Variants in FHIT observed in about 807,000 individuals in gnomAD.
FHIT encodes fragile histidine triad diadenosine triphosphatase.
In FHIT, 19 loss-of-function variants were observed where a neutral mutation model predicts 17.9. The ratio of observed to expected loss-of-function variants is 1.06; its 90% CI spans 0.74 to 1.56. FHIT has a LOEUF of 1.56. Ranked by LOEUF, FHIT falls within the 40% of genes most tolerant of loss-of-function variation. The probability of loss-of-function intolerance (pLI) is 0.00; values close to 1 mark genes in which losing one functional copy is unlikely to be tolerated. For missense variants in FHIT, 248 were observed against 189.2 expected, an observed-to-expected ratio of 1.31 and a Z score of -1.82; for synonymous variants, 81 against 69.7, an observed-to-expected ratio of 1.16 and a Z score of -0.81.
At chr3:60,178,043 G>C (rs917799157) in intron 5 of FHIT, among the ~76,000 whole-genome samples, 3 of 152,160 alleles carry the variant, frequency 2.0e-5, no homozygotes, top group African/African-American at 7.2e-5. Context: ...GGCAGCACTA[G>C]AATTTAACGT....
At chr3:60,667,451 G>A (rs1479242679) in intron 4 of FHIT, among the ~76,000 whole-genome samples, 1 of 151,650 alleles carries the variant, frequency 6.6e-6, no homozygotes, top group Non-Finnish European at 1.5e-5. Flanking sequence ...TTTATTTCTA[G>A]AATTTTTATT....
At chr3:60,833,926 A>C (rs1328673917) in intron 3 of FHIT, among the ~76,000 whole-genome samples, 5 of 152,140 alleles carry the variant, frequency 3.3e-5, no homozygotes, top group African/African-American at 1.2e-4. Flanking sequence ...TTTCCCCTTT[A>C]ATCTATTCCC....
chr3:60,220,148 T>C lies in FHIT; in HGVS notation c.104-205996A>G, dbSNP rs144889655. Among the ~76,000 whole-genome samples the C allele has an allele frequency of 5.0e-3, 757 of 152,242 alleles. 6 individuals carry two copies. The highest frequency in any genetic ancestry group is 0.017 in the African/African-American group (719 of 41,540). Reference sequence around the variant, plus strand: ...AAAACAATAATAAGGTAGATCCATATCAGAGACAAAGTGGAGGCCTCTAGT... The same window carrying C: ...AAAACAATAATAAGGTAGATCCATACCAGAGACAAAGTGGAGGCCTCTAGT... On this transcript the variant is annotated intron_variant, in intron 5 of 9. Coordinates refer to ENST00000492590, the MANE Select transcript of FHIT (RefSeq NM_002012.4).
intron 5 of FHIT, among the ~76,000 whole-genome samples, chr3:60,081,933 T>C (rs1406409348): frequency 3.9e-5 from 6 of 151,962 alleles, no homozygotes; most frequent in Non-Finnish European, 8.8e-5. Context: ...TTCTACAAAC[T>C]CGATGAGTTC....
At chr3:60,887,975 T>C (rs1348905360) in intron 3 of FHIT, among the ~76,000 whole-genome samples, 2 of 152,212 alleles carry the variant, frequency 1.3e-5, no homozygotes, top group African/African-American at 4.8e-5. Flanking sequence ...TCTGATCCAA[T>C]CTCCTTGATT....
intron 3 of FHIT, among the ~76,000 whole-genome samples, chr3:60,902,824 T>C (rs560039238): frequency 6.6e-6 from 1 of 152,182 alleles, no homozygotes; most frequent in Non-Finnish European, 1.5e-5. Flanking sequence ...CCTTCTAGCC[T>C]AGGCCAATTT....
At chr3:60,012,007 G>T (rs1046763741) in intron 6 of FHIT, among the ~76,000 whole-genome samples, 4 of 152,124 alleles carry the variant, frequency 2.6e-5, no homozygotes. Flanking sequence ...ATACTCAGCT[G>T]GTTGAGATGG....
intron 5 of FHIT, among the ~76,000 whole-genome samples, chr3:60,131,046 CAT>C (rs1353897794): frequency 2.4e-5 from 2 of 82,658 alleles, no homozygotes; most frequent in South Asian, 8.6e-4. Context: ...TATATATACA[CAT>C]ATATACATAC....
At chr3:60,686,907 C>T (rs1285578315) in intron 4 of FHIT, among the ~76,000 whole-genome samples, 2 of 152,192 alleles carry the variant, frequency 1.3e-5, no homozygotes, top group East Asian at 1.9e-4. Flanking sequence ...CAACCCCCTT[C>T]GAGAATCTTG....
At chr3:60,777,179 G>T (rs1188111091) in intron 4 of FHIT, among the ~76,000 whole-genome samples, 3 of 152,116 alleles carry the variant, frequency 2.0e-5, no homozygotes, top group African/African-American at 7.2e-5. Context: ...GACTTATTGT[G>T]AGCCACATAT....
At chr3:60,628,975 C>T (rs1553681754) in intron 4 of FHIT, among the ~76,000 whole-genome samples, 1 of 144,856 alleles carries the variant, frequency 6.9e-6, no homozygotes, top group African/African-American at 2.5e-5. Context: ...AGCATAGAAT[C>T]TGCCTATGAG....
intron 8 of FHIT, among the ~76,000 whole-genome samples, chr3:59,883,909 T>C (rs1005345759): frequency 6.6e-6 from 1 of 152,178 alleles, no homozygotes; most frequent in Non-Finnish European, 1.5e-5. Context: ...AAAATACCCT[T>C]TAGTGTTCTA....
chr3:60,966,390 G>T (rs1273258131), intron 3 of FHIT, among the ~76,000 whole-genome samples: 1 of 152,236 alleles, frequency 6.6e-6, no homozygotes, highest in African/African-American at 2.4e-5. Flanking sequence ...CACTTCCCAG[G>T]TGAGGCGATG....
At chr3:59,767,701 A>G (rs536314166) in intron 8 of FHIT, among the ~76,000 whole-genome samples, 1 of 152,286 alleles carries the variant, frequency 6.6e-6, no homozygotes, top group South Asian at 2.1e-4. Context: ...GCTCAGTGCC[A>G]AGTACAAACA....
intron 5 of FHIT, among the ~76,000 whole-genome samples, chr3:60,200,816 C>A (rs1476529299): frequency 1.3e-5 from 2 of 152,126 alleles, no homozygotes; most frequent in East Asian, 1.9e-4. Context: ...ACCCTGACAC[C>A]ACACACTGGC....
At chr3:60,897,663 C>A (rs1454002142) in intron 3 of FHIT, among the ~76,000 whole-genome samples, 3 of 152,154 alleles carry the variant, frequency 2.0e-5, no homozygotes, top group Non-Finnish European at 4.4e-5. Context: ...GACCGCTGGG[C>A]AACTTCAAAA....
At chr3:60,155,057 T>C (rs1700621443) in intron 5 of FHIT, among the ~76,000 whole-genome samples, 1 of 151,700 alleles carries the variant, frequency 6.6e-6, no homozygotes, top group South Asian at 2.1e-4. Context: ...TAGCCAGGCA[T>C]GCACCTGTAC....
intron 4 of FHIT, among the ~76,000 whole-genome samples, chr3:60,726,754 T>C (rs1349674269): frequency 6.6e-6 from 1 of 152,210 alleles, no homozygotes; most frequent in Non-Finnish European, 1.5e-5. Context: ...AAGTAAGTAC[T>C]ATTATTATTC....
chr3:60,354,023 T>G (rs1415499725), intron 5 of FHIT, among the ~76,000 whole-genome samples: 1 of 152,092 alleles, frequency 6.6e-6, no homozygotes, highest in African/African-American at 2.4e-5. Flanking sequence ...TAGTAGGATT[T>G]TTCTATCACG....
Sources: allele counts gnomAD v4.1 joint callset (sites outside exome capture counted in the v4.1 genomes callset), GRCh38; gene constraint gnomAD v4.1.1; transcripts MANE v1.5; gene names NCBI Gene and HGNC (gene_info 2026-07-23, HGNC 2026-07-21).